TCF23: variants seen among roughly 807,000 people sequenced by gnomAD.
TCF23 encodes class A basic helix-loop-helix protein 24.
TCF23 carries 7 observed loss-of-function variants against 13.0 expected under a neutral mutation model. That is an observed-to-expected ratio of 0.54 (90% confidence interval 0.31 to 1.01). TCF23 has a LOEUF of 1.01. Ranked by LOEUF, TCF23 falls within the 50% of genes least tolerant of loss-of-function variation. The pLI is 0.06. For synonymous variants in TCF23, 122 were observed against 119.5 expected, an observed-to-expected ratio of 1.02 and a Z score of -0.14; for missense variants, 257 against 289.8, an observed-to-expected ratio of 0.89 and a Z score of 0.82.
chr2:27,152,782 A>T lies in TCF23; in HGVS notation c.560A>T (p.Asp187Val). Reference sequence around the variant, plus strand: ...AGCACCCCCAGCCAAAGAACAAGAGATGCAGAGGTGGGGTCCCAAGTCCCT... The same window carrying T: ...AGCACCCCCAGCCAAAGAACAAGAGTTGCAGAGGTGGGGTCCCAAGTCCCT... ...TASTPSQRTRDAEVGSQVPGE... is the reference protein window; with the variant it reads ...TASTPSQRTRVAEVGSQVPGE... The change falls in exon 3 of 3, where the codon GAT (aspartate) becomes GTT (valine). Residue 187 changes from aspartate to valine, a missense_variant. By Grantham distance (152) the Asp-to-Val change is radical. Coordinates refer to ENST00000296096, the MANE Select transcript of TCF23 (RefSeq NM_175769.3). 1 of 1,614,118 alleles carries T rather than the reference A, an allele frequency of 6.2e-7. No individual in the cohort carries two copies. Among genetic ancestry groups the T allele is most frequent in the South Asian group, 1.1e-5 (1 of 91,082 alleles).
At position 27,149,121 on chromosome 2, in the gene TCF23, C is replaced by A; in HGVS notation, c.-13C>A. On this transcript the variant is annotated 5_prime_UTR_variant, in exon 1 of 3. Transcript: ENST00000296096. Reference sequence around the variant, plus strand: ...TGTTTCTGCTCTGTGGGCTGCAGCCCCAGTGGGGTGGCATGTCACAGAGGA... The same window carrying A: ...TGTTTCTGCTCTGTGGGCTGCAGCCACAGTGGGGTGGCATGTCACAGAGGA... 1 of 1,548,932 alleles carries A rather than the reference C, an allele frequency of 6.5e-7. No homozygotes were observed. Among genetic ancestry groups the A allele is most frequent in the Non-Finnish European group, 8.7e-7 (1 of 1,146,562 alleles).
rs1324009952 is a variant in TCF23, at chr2:27,154,479, G to A, written c.*1612G>A. On this transcript the variant is annotated 3_prime_UTR_variant, in exon 3 of 3. Transcript: ENST00000296096. ...CCTGTACCTCCACAGGGCTGGCCAG[G>A]GCAGAGCTGAAATAGGGCTGGGGGT... The A allele has an allele frequency of 1.3e-5, 2 of 152,392 alleles. No homozygotes were observed. The highest frequency in any genetic ancestry group is 2.9e-5 in the Non-Finnish European group (2 of 68,218). 9.4% of individuals were successfully genotyped at this position (152,392 alleles called of 1,614,324 possible). A position where few individuals can be genotyped will look rare whatever the true frequency, so the allele number is the denominator to read the frequency against.
At position 27,150,933 on chromosome 2, in the gene TCF23, G is replaced by A. The variant is rs1310391196; in HGVS notation, c.465+568G>A. Among the ~76,000 whole-genome samples the A allele has an allele frequency of 6.6e-6, 1 of 152,180 alleles. No homozygotes were observed. The highest frequency in any genetic ancestry group is 1.5e-5 in the Non-Finnish European group (1 of 68,026). On this transcript the variant is annotated intron_variant, in intron 2 of 2. Transcript: ENST00000296096. The surrounding 1 kb of genome is among the most constrained non-coding windows in gnomAD (Gnocchi z 4.1). The stretch of plus-strand genomic sequence containing the variant: ...CAGTTTTATTACACGTAAAATAGAA[G>A]CTAACATGAGCCTTACTTCTCTTCC...
At chr2:27,152,323 A>C (rs1208684857) in intron 2 of TCF23, among the ~76,000 whole-genome samples, 1 of 152,256 alleles carries the variant, frequency 6.6e-6, no homozygotes, top group Non-Finnish European at 1.5e-5. Context: ...AAGATGGGCA[A>C]ACCTTGGAGG....
In TCF23 at chr2:27,156,419, C is replaced by G. The variant is rs1282464210; in HGVS notation, c.*3552C>G. On this transcript the variant is annotated 3_prime_UTR_variant, in exon 3 of 3. Transcript: ENST00000296096. Reference sequence around the variant, plus strand: ...TTGAGACAGAGTCTCACTCTGTCACCGAGGCTGGAGCGCAGTGGCGTGATC... The same window carrying G: ...TTGAGACAGAGTCTCACTCTGTCACGGAGGCTGGAGCGCAGTGGCGTGATC... 2 of 149,494 alleles carry G rather than the reference C, an allele frequency of 1.3e-5. No homozygotes were observed. The highest frequency in any genetic ancestry group is 2.0e-4 in the East Asian group (1 of 4,962). The allele number at this position is 149,494 out of a possible 1,614,324, so 9.3% of individuals were successfully genotyped here.
At position 27,150,362 on chromosome 2, in the gene TCF23, C is replaced by T. The variant is rs1484047161; in HGVS notation, c.462C>T (p.Leu154=). 3.7e-6 allele frequency: 6 copies of T among 1,611,638 alleles called. No individual in the cohort carries two copies. Among genetic ancestry groups the T allele is most frequent in the Non-Finnish European group, 4.2e-6 (5 of 1,178,520 alleles). ...FLRGLRYLHP[L]KKWPMRSRLY... is the part of the protein sequence containing the mutation. ...GTGGACTCCGCTACTTGCACCCTCTCAAGGTAAGTCACAAGCCCTGGGACT... is the reference window on the plus strand; with the variant it reads ...GTGGACTCCGCTACTTGCACCCTCTTAAGGTAAGTCACAAGCCCTGGGACT... Residue 154 remains leucine (L), a synonymous_variant, in exon 2 of 3, where the codon CTC becomes CTT. Coordinates refer to ENST00000296096, the MANE Select transcript of TCF23 (RefSeq NM_175769.3). This position sits in a 1 kb window ranked among gnomAD's most constrained non-coding sequence, Gnocchi z 4.1.
At chr2:27,152,061 G>A (rs565900131) in intron 2 of TCF23, among the ~76,000 whole-genome samples, 1 of 152,216 alleles carries the variant, frequency 6.6e-6, no homozygotes, top group Non-Finnish European at 1.5e-5. Context: ...GTCCTGGGAT[G>A]ATATAGTAGT....
At chr2:27,152,332 G>A (rs1019566679) in intron 2 of TCF23, among the ~76,000 whole-genome samples, 3 of 152,370 alleles carry the variant, frequency 2.0e-5, no homozygotes, top group Non-Finnish European at 4.4e-5. Context: ...AAACCTTGGA[G>A]GACCCAGCTT....
chr2:27,155,308 G>A lies in TCF23; in HGVS notation c.*2441G>A, dbSNP rs1672820835. 1 of 152,400 alleles carries A rather than the reference G, an allele frequency of 6.6e-6. No homozygotes were observed. The highest frequency in any genetic ancestry group is 2.1e-4 in the South Asian group (1 of 4,840). The allele number at this position is 152,400 out of a possible 1,614,324, so 9.4% of individuals were successfully genotyped here. ...CAGGGGGCAGGGTGAGCCAAGGGAA[G>A]GCCTAGGGGATGGATGGGAATAACC... is the stretch of plus-strand genomic sequence containing the variant. On this transcript the variant is annotated 3_prime_UTR_variant, in exon 3 of 3. Coordinates refer to ENST00000296096, the MANE Select transcript of TCF23 (RefSeq NM_175769.3).
Position 27,156,106 on chromosome 2 carries a change from C to T in TCF23, c.*3239C>T, listed in dbSNP as rs986537841. 1 of 151,940 alleles carries T rather than the reference C, an allele frequency of 6.6e-6. No homozygotes were observed. Among genetic ancestry groups the T allele is most frequent in the African/African-American group, 2.4e-5 (1 of 41,338 alleles). 9.4% of individuals were successfully genotyped at this position (151,940 alleles called of 1,614,324 possible). On this transcript the variant is annotated 3_prime_UTR_variant, in exon 3 of 3. Transcript: ENST00000296096. ...TGGGAGGCCGGGGTCGGGGGTGGATCATCTGAGGTCAGGAGTTCAAGACCA... is the reference window on the plus strand; with the variant it reads ...TGGGAGGCCGGGGTCGGGGGTGGATTATCTGAGGTCAGGAGTTCAAGACCA...
Position 27,152,802 on chromosome 2 carries a change from G to C in TCF23, c.580G>C (p.Val194Leu), listed in dbSNP as rs774151288. 2 of 1,614,194 alleles carry C rather than the reference G, an allele frequency of 1.2e-6. No individual in the cohort carries two copies. Among genetic ancestry groups the C allele is most frequent in the Non-Finnish European group, 1.7e-6 (2 of 1,180,036 alleles). The change falls in exon 3 of 3, where the codon GTC (valine) becomes CTC (leucine). Residue 194 changes from valine (V) to leucine (L), a missense_variant. By Grantham distance (32) the Val-to-Leu change is conservative. Transcript: ENST00000296096. ...RTRDAEVGSQ[V>L]PGEADALLST... ...AAGAGATGCAGAGGTGGGGTCCCAAGTCCCTGGAGAGGCAGATGCTCTCCT... is the reference window on the plus strand; with the variant it reads ...AAGAGATGCAGAGGTGGGGTCCCAACTCCCTGGAGAGGCAGATGCTCTCCT...
At chr2:27,151,932 C>T (rs1672766765) in intron 2 of TCF23, among the ~76,000 whole-genome samples, 1 of 152,126 alleles carries the variant, frequency 6.6e-6, no homozygotes, top group Non-Finnish European at 1.5e-5. Flanking sequence ...CCTCTTTCCC[C>T]TAAATGTCAT....
At position 27,152,690 on chromosome 2, in the gene TCF23, G is replaced by A; in HGVS notation, c.468G>A (p.Lys156=). The part of the protein sequence containing the change: ...RGLRYLHPLK[K]WPMRSRLYAG... ...ACTTCCCAATCTGTGTCTTGCAGAA[G>A]TGGCCGATGCGATCTCGTCTCTATG... is the stretch of plus-strand genomic sequence containing the variant. The change falls in exon 3 of 3, where the codon AAG becomes AAA. Residue 156 remains lysine, a splice_region_variant and synonymous_variant. Transcript: ENST00000296096. 6.2e-7 allele frequency: 1 copy of A among 1,613,054 alleles called. No individual in the cohort carries two copies. The highest frequency in any genetic ancestry group is 8.5e-7 in the Non-Finnish European group (1 of 1,179,368).
intron 1 of TCF23, chr2:27,149,577 C>G: frequency 1.5e-6 from 1 of 657,506 alleles, no homozygotes; most frequent in East Asian, 2.9e-5. Flanking sequence ...TAACTCACTT[C>G]TCTTGAGGAA....
Position 27,153,181 on chromosome 2 carries a change from A to G in TCF23, c.*314A>G, listed in dbSNP as rs1672786975. ...GGAACCACCCTAGCTTTCTTCCCCT[A>G]AGGTTTCTACAAACCCTCTGCAGAT... On this transcript the variant is annotated 3_prime_UTR_variant, in exon 3 of 3. Coordinates refer to ENST00000296096, the MANE Select transcript of TCF23 (RefSeq NM_175769.3). 1 of 308,558 alleles carries G rather than the reference A, an allele frequency of 3.2e-6. No individual in the cohort carries two copies. Among genetic ancestry groups the G allele is most frequent in the Non-Finnish European group, 5.4e-6 (1 of 183,856 alleles). 19.1% of individuals were successfully genotyped at this position (308,558 alleles called of 1,614,324 possible).
At position 27,152,935 on chromosome 2, in the gene TCF23, C is replaced by T. The variant is rs1039046354; in HGVS notation, c.*68C>T. Reference sequence around the variant, plus strand: ...ATGGGCCTGGATTTTCTACCAGCCCCCAGATTCTCAGCCATCAGACTTGAC... The same window carrying T: ...ATGGGCCTGGATTTTCTACCAGCCCTCAGATTCTCAGCCATCAGACTTGAC... On this transcript the variant is annotated 3_prime_UTR_variant, in exon 3 of 3. Coordinates refer to ENST00000296096, the MANE Select transcript of TCF23 (RefSeq NM_175769.3). The T allele has an allele frequency of 6.4e-7, 1 of 1,552,428 alleles. No individual in the cohort carries two copies. The highest frequency in any genetic ancestry group is 8.7e-7 in the Non-Finnish European group (1 of 1,148,266).
At position 27,149,228 on chromosome 2, in the gene TCF23, G is replaced by T; in HGVS notation, c.95G>T (p.Arg32Met). ...GCACGGTTGCTGCCAGGCGCTGACA[G>T]GAAGAGGAGCCGCCTCAGCAGGACA... is the stretch of plus-strand genomic sequence containing the variant. ...AKARLLPGAD[R>M]KRSRLSRTRQ... is the part of the protein sequence containing the mutation. Residue 32 changes from arginine to methionine, a missense_variant, in exon 1 of 3, where the codon AGG (arginine) becomes ATG (methionine). Coordinates refer to ENST00000296096, the MANE Select transcript of TCF23 (RefSeq NM_175769.3). 1 of 1,565,512 alleles carries T rather than the reference G, an allele frequency of 6.4e-7. No individual in the cohort carries two copies. The highest frequency in any genetic ancestry group is 8.7e-7 in the Non-Finnish European group (1 of 1,155,128).
At position 27,156,887 on chromosome 2, in the gene TCF23, A is replaced by T. The variant is rs948990134; in HGVS notation, c.*4020A>T. Reference sequence around the variant, plus strand: ...GGCCCCTAAAAGCTTATTCTATTCTAGATCAAGGTAGGCAAACTATGGCCA... The same window carrying T: ...GGCCCCTAAAAGCTTATTCTATTCTTGATCAAGGTAGGCAAACTATGGCCA... On this transcript the variant is annotated 3_prime_UTR_variant, in exon 3 of 3. Transcript: ENST00000296096. The T allele has an allele frequency of 1.3e-5, 2 of 152,390 alleles. No individual in the cohort carries two copies. The highest frequency in any genetic ancestry group is 1.3e-4 in the Admixed American group (2 of 15,308). 9.4% of individuals were successfully genotyped at this position (152,390 alleles called of 1,614,324 possible).
In TCF23 at chr2:27,150,023, A is replaced by G. The variant is rs1672735314; in HGVS notation, c.223-100A>G. 2 of 1,519,870 alleles carry G rather than the reference A, an allele frequency of 1.3e-6. No homozygotes were observed. Among genetic ancestry groups the G allele is most frequent in the Non-Finnish European group, 8.8e-7 (1 of 1,135,382 alleles). 94.1% of individuals were successfully genotyped at this position (1,519,870 alleles called of 1,614,324 possible). On this transcript the variant is annotated intron_variant, in intron 1 of 2. Transcript: ENST00000296096. The surrounding 1 kb of genome is among the most constrained non-coding windows in gnomAD (Gnocchi z 4.1). ...GGCCCTCTGGTGCCTACTGCTAGAC[A>G]CCCTTCTACTCTGGTGGGAGACCTT...
Sources: allele counts gnomAD v4.1 joint callset (sites outside exome capture counted in the v4.1 genomes callset), GRCh38; gene constraint gnomAD v4.1.1; non-coding constraint Gnocchi (gnomAD v3.1); transcripts MANE v1.5; gene names NCBI Gene and HGNC (gene_info 2026-07-23, HGNC 2026-07-21).